Variants in TXNL1 observed in about 807,000 individuals in gnomAD.
TXNL1 encodes the protein thioredoxin-like protein 1.
Under a neutral mutation model 35.5 loss-of-function variants are expected in TXNL1, and 14 were observed. That is an observed-to-expected ratio of 0.39 (90% confidence interval 0.26 to 0.62). TXNL1 has a LOEUF of 0.62. TXNL1 is among the 20% of genes least tolerant of loss of function. The pLI is 0.47. For missense variants in TXNL1, 263 were observed against 349.7 expected, an observed-to-expected ratio of 0.75 and a Z score of 1.98; for synonymous variants, 110 against 115.5, an observed-to-expected ratio of 0.95 and a Z score of 0.31.
rs528022864 is a variant in TXNL1, at chr18:56,607,840, G to A, written c.840+3153C>T. Among the ~76,000 whole-genome samples, 4 of 152,220 alleles carry A rather than the reference G, an allele frequency of 2.6e-5. No individual in the cohort carries two copies. The East Asian group carries it at 7.7e-4, about 29-fold the overall frequency. On this transcript the variant is annotated intron_variant, in intron 7 of 7. Coordinates refer to ENST00000217515, the MANE Select transcript of TXNL1 (RefSeq NM_004786.3). ...CATTGCACTACAGCCTGGGTGACAA[G>A]AGTGAAACTCCATCTCAAAAAAATA...
chr18:56,604,271 T>A (rs893293940), intron 7 of TXNL1, among the ~76,000 whole-genome samples: 1 of 152,204 alleles, frequency 6.6e-6, no homozygotes, highest in African/African-American at 2.4e-5. Context: ...ATTATCTCTA[T>A]CACAAGTAAA....
Position 56,607,093 on chromosome 18 carries a change from G to A in TXNL1, c.840+3900C>T, listed in dbSNP as rs9956276. On this transcript the variant is annotated intron_variant, in intron 7 of 7. Transcript: ENST00000217515. ...CAGCCTTGAACTCCAGGGTTCAAGC[G>A]ATCTTCCCACCTCAGCCTCCCAGGT... 3.3e-5 allele frequency among the ~76,000 whole-genome samples: 5 copies of A among 151,988 alleles called. No homozygotes were observed. In the South Asian group the frequency reaches 8.3e-4, roughly 25 times the overall value.
intron 6 of TXNL1, among the ~76,000 whole-genome samples, chr18:56,611,822 T>G (rs2023996896): frequency 6.9e-6 from 1 of 145,120 alleles, no homozygotes; most frequent in African/African-American, 2.5e-5. Flanking sequence ...GCCTCCTGAG[T>G]AGCCCACCAG....
At chr18:56,636,908 A>G (rs913984910) in intron 1 of TXNL1, among the ~76,000 whole-genome samples, 1 of 152,222 alleles carries the variant, frequency 6.6e-6, no homozygotes, top group Non-Finnish European at 1.5e-5. Flanking sequence ...TACTTAATGT[A>G]CTACAGGTAT....
intron 4 of TXNL1, 113 bp downstream of exon 4, chr18:56,617,891 G>A: frequency 1.5e-6 from 2 of 1,328,268 alleles, no homozygotes; most frequent in African/African-American, 1.5e-5. Context: ...AGAAATGAAA[G>A]GAAGAAGTGA....
In TXNL1 at chr18:56,600,148, T is replaced by C. The variant is rs1249256019; in HGVS notation, c.*2879A>G. ...CTATTTTAGGTTTAAAAGCCCATGA[T>C]CAGGGATATTAATTGCAGCCATAAA... On this transcript the variant is annotated 3_prime_UTR_variant, in exon 8 of 8. Coordinates refer to ENST00000217515, the MANE Select transcript of TXNL1 (RefSeq NM_004786.3). 1 of 152,232 alleles carries C rather than the reference T, an allele frequency of 6.6e-6. No homozygotes were observed. Among genetic ancestry groups the C allele is most frequent in the Non-Finnish European group, 1.5e-5 (1 of 68,050 alleles). The allele number at this position is 152,232 out of a possible 1,614,324, so 9.4% of individuals were successfully genotyped here. A position where few individuals can be genotyped will look rare whatever the true frequency, so the allele number is the denominator to read the frequency against.
At chr18:56,635,742 G>C (rs2024445334) in intron 1 of TXNL1, among the ~76,000 whole-genome samples, 1 of 152,130 alleles carries the variant, frequency 6.6e-6, no homozygotes, top group African/African-American at 2.4e-5. Context: ...GCACAACATT[G>C]TGACTGTATA....
chr18:56,631,589 G>T (rs917989696), intron 1 of TXNL1, among the ~76,000 whole-genome samples: 1 of 152,116 alleles, frequency 6.6e-6, no homozygotes, highest in Non-Finnish European at 1.5e-5. Flanking sequence ...TTGAGAAAAA[G>T]AATACAGTAA....
chr18:56,624,258 C>T (rs759691024), intron 3 of TXNL1, 30 bp downstream of exon 3: 12 of 1,594,906 alleles, frequency 7.5e-6, no homozygotes, highest in South Asian at 1.1e-5. Flanking sequence ...AGATATTATA[C>T]ATTATGATTT....
intron 1 of TXNL1, among the ~76,000 whole-genome samples, chr18:56,631,541 T>A (rs2024370426): frequency 6.6e-6 from 1 of 152,196 alleles, no homozygotes; most frequent in Non-Finnish European, 1.5e-5. Flanking sequence ...GTCCAATATA[T>A]AAAATGTGTA....
rs769718943 is a variant in TXNL1 at position 56,598,888 on chromosome 18, T to C, written c.*4139A>G. ...CAAGTGGAAGAGCAGGGATTCAAAC[T>C]TCAGAGATTTTGCTCCTAGGTAGTA... On this transcript the variant is annotated 3_prime_UTR_variant, in exon 8 of 8. Transcript: ENST00000217515. The C allele has an allele frequency of 6.6e-6, 1 of 152,192 alleles. No individual in the cohort carries two copies. The highest frequency in any genetic ancestry group is 2.4e-5 in the African/African-American group (1 of 41,444). The allele number at this position is 152,192 out of a possible 1,614,324, so 9.4% of individuals were successfully genotyped here.
At chr18:56,625,606 A>G (rs2024264225) in intron 2 of TXNL1, among the ~76,000 whole-genome samples, 1 of 152,186 alleles carries the variant, frequency 6.6e-6, no homozygotes, top group Admixed American at 6.5e-5. Context: ...GATATAGTGC[A>G]ATAACATGCA....
At chr18:56,627,182 C>A (rs1462619567) in intron 1 of TXNL1, among the ~76,000 whole-genome samples, 1 of 151,898 alleles carries the variant, frequency 6.6e-6, no homozygotes, top group South Asian at 2.1e-4. Context: ...TCTTAATGAG[C>A]CCAGATGTTA....
chr18:56,611,771 G>A (rs1394310042), intron 6 of TXNL1, among the ~76,000 whole-genome samples: 1 of 150,364 alleles, frequency 6.7e-6, no homozygotes, highest in Non-Finnish European at 1.5e-5. Context: ...TCGACTCACT[G>A]CAACCTCCGC....
In TXNL1 at chr18:56,597,903, T is replaced by G. The variant is rs1022786459; in HGVS notation, c.*5124A>C. The G allele has an allele frequency of 1.3e-5, 2 of 152,230 alleles. No homozygotes were observed. Among genetic ancestry groups the G allele is most frequent in the African/African-American group, 4.8e-5 (2 of 41,464 alleles). 9.4% of individuals were successfully genotyped at this position (152,230 alleles called of 1,614,324 possible). ...TAAGAGCTACTTCTATATTCAATTG[T>G]AAAAGTGAGAACCTTGTGAGACATC... On this transcript the variant is annotated 3_prime_UTR_variant, in exon 8 of 8. Coordinates refer to ENST00000217515, the MANE Select transcript of TXNL1 (RefSeq NM_004786.3).
At chr18:56,610,038 C>T (rs200096807) in intron 7 of TXNL1, 2 of 147,988 alleles carry the variant, frequency 1.4e-5, no homozygotes, top group Admixed American at 1.4e-4. Flanking sequence ...TGTAGATGCA[C>T]CAAAAAGAAT....
chr18:56,631,936 A>G (rs1224729407), intron 1 of TXNL1, among the ~76,000 whole-genome samples: 1 of 151,672 alleles, frequency 6.6e-6, no homozygotes, highest in Non-Finnish European at 1.5e-5. Flanking sequence ...AAAAAAAAAA[A>G]AGGAACCCAC....
intron 1 of TXNL1, among the ~76,000 whole-genome samples, chr18:56,627,245 A>C (rs2024300626): frequency 6.6e-6 from 1 of 152,164 alleles, no homozygotes; most frequent in South Asian, 2.1e-4. Context: ...GTTCTCACTG[A>C]GAGAAATTAA....
chr18:56,618,929 G>T (rs1032858338), intron 3 of TXNL1, among the ~76,000 whole-genome samples: 1 of 151,982 alleles, frequency 6.6e-6, no homozygotes, highest in Non-Finnish European at 1.5e-5. Context: ...AAAGAAAAAG[G>T]CCTGGTACGA....
Sources: gnomAD v4.1 joint callset for allele counts (sites outside exome capture counted in the v4.1 genomes callset) on GRCh38, gnomAD v4.1.1 for gene constraint, MANE v1.5 for transcripts, NCBI Gene and HGNC (gene_info 2026-07-23, HGNC 2026-07-21) for gene names.